The following SH3BP5L variants were observed in gnomAD, a reference collection of about 807,000 sequenced individuals.
SH3BP5L encodes the protein SH3 domain-binding protein 5-like.
Under a neutral mutation model 40.9 loss-of-function variants are expected in SH3BP5L, and 16 were observed. The observed-to-expected ratio is 0.39, with a 90% CI of 0.27 to 0.59. The LOEUF (loss-of-function observed/expected upper bound fraction) is 0.59. Among genes scored for constraint, SH3BP5L ranks in the 20% least tolerant of loss-of-function variants. The pLI is 0.53. For missense variants in SH3BP5L, 471 were observed against 544.6 expected, an observed-to-expected ratio of 0.86 and a Z score of 1.35; for synonymous variants, 229 against 226.7, an observed-to-expected ratio of 1.01 and a Z score of -0.09.
In SH3BP5L at chr1:248,824,831, C is replaced by T. The variant is rs145512568; in HGVS notation, c.105G>A (p.Glu35=). The stretch of plus-strand genomic sequence containing the variant: ...TGCTGCTGCTTCCACCTCCTCCAGG[C>T]TCTTCTGCGACTGGGCTCCTAGGGA... ...DEVPRSPVAE[E]PGGGGSSSSE... is the part of the protein sequence containing the mutation. Residue 35 remains glutamate (E), a synonymous_variant, in exon 2 of 7, where the codon GAG becomes GAA. Coordinates refer to ENST00000366472, the MANE Select transcript of SH3BP5L (RefSeq NM_030645.3). 2.1e-4 allele frequency: 338 copies of T among 1,614,088 alleles called. No homozygotes were observed. Among genetic ancestry groups the T allele is most frequent in the Non-Finnish European group, 2.7e-4 (321 of 1,180,034 alleles).
At chr1:248,824,660 G>C in intron 2 of SH3BP5L, 93 bp downstream of exon 2, 2 of 1,451,600 alleles carry the variant, frequency 1.4e-6, no homozygotes, top group Non-Finnish European at 1.9e-6. Context: ...AGCAGACTGG[G>C]GACAGAGTAA....
At chr1:248,818,541 C>T (rs1215937317) in intron 2 of SH3BP5L, among the ~76,000 whole-genome samples, 1 of 152,168 alleles carries the variant, frequency 6.6e-6, no homozygotes, top group African/African-American at 2.4e-5. Context: ...GTGACCATGA[C>T]CGCAGGTCCC....
intron 2 of SH3BP5L, among the ~76,000 whole-genome samples, chr1:248,823,646 C>T (rs1241633363): frequency 6.6e-6 from 1 of 151,656 alleles, no homozygotes; most frequent in Non-Finnish European, 1.5e-5. Flanking sequence ...GAAGAGGAAC[C>T]CACACACACA....
At chr1:248,819,431 G>C (rs895186593) in intron 2 of SH3BP5L, among the ~76,000 whole-genome samples, 1 of 151,498 alleles carries the variant, frequency 6.6e-6, no homozygotes, top group Non-Finnish European at 1.5e-5. Context: ...GGCAGGCGCA[G>C]TGGCTCACAC....
chr1:248,824,274 T>C (rs555904272), intron 2 of SH3BP5L, among the ~76,000 whole-genome samples: 2 of 152,286 alleles, frequency 1.3e-5, no homozygotes, highest in African/African-American at 4.8e-5. Context: ...ATCAGAGCAA[T>C]GTGGGCCGCA....
chr1:248,816,099 A>C (rs759131358), intron 4 of SH3BP5L: 1 of 167,336 alleles, frequency 6.0e-6, no homozygotes, highest in Non-Finnish European at 1.3e-5. Context: ...TTATTTGTTA[A>C]AAGTAATTTG....
intron 5 of SH3BP5L, chr1:248,813,842 C>T (rs1425255833): frequency 5.6e-5 from 9 of 161,028 alleles, no homozygotes; most frequent in Non-Finnish European, 6.8e-5. Flanking sequence ...AACCCCTCCC[C>T]CCGTGCTGTG....
chr1:248,814,937 A>T lies in SH3BP5L; in HGVS notation c.376-327T>A, dbSNP rs1664063037. ...GTGTAAGGTGGTTAGCAACATAGAC[A>T]GAGTCTTACAGAAAAGATGACCTTG... On this transcript the variant is annotated intron_variant, in intron 4 of 6. Coordinates refer to ENST00000366472, the MANE Select transcript of SH3BP5L (RefSeq NM_030645.3). The T allele has an allele frequency of 1.0e-5, 4 of 401,710 alleles. No individual in the cohort carries two copies. In the Admixed American group the frequency reaches 1.4e-4, roughly 14 times the overall value. The allele number at this position is 401,710 out of a possible 1,614,324, so 24.9% of individuals were successfully genotyped here. A position where few individuals can be genotyped will look rare whatever the true frequency, so the allele number is the denominator to read the frequency against.
chr1:248,819,625 T>A (rs1279340416), intron 2 of SH3BP5L, among the ~76,000 whole-genome samples: 2 of 140,902 alleles, frequency 1.4e-5, no homozygotes, highest in Non-Finnish European at 3.0e-5. Flanking sequence ...ATCACCTGAA[T>A]CTGGGAGGCG....
chr1:248,823,483 A>G (rs1316000506), intron 2 of SH3BP5L, among the ~76,000 whole-genome samples: 1 of 152,244 alleles, frequency 6.6e-6, no homozygotes, highest in African/African-American at 2.4e-5. Context: ...TTTTTTCACT[A>G]CAACTGATTT....
intron 5 of SH3BP5L, 143 bp from the exon 6 acceptor site, chr1:248,813,305 G>A (rs1664007240): frequency 2.5e-6 from 2 of 798,668 alleles, no homozygotes. Flanking sequence ...CAGAGCCCGA[G>A]ACACGCAGGG....
At position 248,813,048 on chromosome 1, in the gene SH3BP5L, C is replaced by A. The variant is rs549306552; in HGVS notation, c.652G>T (p.Ala218Ser). The A allele has an allele frequency of 6.2e-7, 1 of 1,610,952 alleles. No individual in the cohort carries two copies. Among genetic ancestry groups the A allele is most frequent in the South Asian group, 1.1e-5 (1 of 90,834 alleles). ...VQALQKTLRR[A>S]IGKSRPYFEL... Reference sequence around the variant, plus strand: ...AAGTAGGGGCGGCTCTTGCCGATGGCCCTCCGGAGGGTCTTCTGCAGGGCT... The same window carrying A: ...AAGTAGGGGCGGCTCTTGCCGATGGACCTCCGGAGGGTCTTCTGCAGGGCT... Residue 218 changes from alanine (A) to serine (S), a missense_variant, in exon 6 of 7, where the codon GCC becomes TCC. Ala to Ser is a moderately conservative substitution (Grantham distance 99). Transcript: ENST00000366472.
Position 248,812,425 on chromosome 1 carries a change from C to T in SH3BP5L, c.712-55G>A. ...CCATGGGGCACGTCTCCACCTTCCT[C>T]AGCACTCTGCACTGAGGTCTGAGGG... On this transcript the variant is annotated intron_variant, in intron 6 of 6. Transcript: ENST00000366472. This position sits in a 1 kb window ranked among gnomAD's most constrained non-coding sequence, Gnocchi z 6.1. The T allele has an allele frequency of 7.2e-7, 1 of 1,398,122 alleles. No homozygotes were observed. Among genetic ancestry groups the T allele is most frequent in the Non-Finnish European group, 9.9e-7 (1 of 1,005,564 alleles). 86.6% of individuals were successfully genotyped at this position (1,398,122 alleles called of 1,614,324 possible).
intron 2 of SH3BP5L, among the ~76,000 whole-genome samples, chr1:248,819,098 C>G (rs1478975274): frequency 6.6e-6 from 1 of 152,312 alleles, no homozygotes; most frequent in African/African-American, 2.4e-5. Flanking sequence ...ATCCTCCCCC[C>G]ATCCCCTGCC....
In SH3BP5L at chr1:248,816,657, G is replaced by A; in HGVS notation, c.252C>T (p.Ala84=). 2 of 1,614,064 alleles carry A rather than the reference G, an allele frequency of 1.2e-6. No individual in the cohort carries two copies. Among genetic ancestry groups the A allele is most frequent in the Non-Finnish European group, 1.7e-6 (2 of 1,180,030 alleles). Reference sequence around the variant, plus strand: ...GTAGGATCCTCCGATAGGTGGTCCTGGCCTCCTGGAAAGGAACAAGGCAGA... The same window carrying A: ...GTAGGATCCTCCGATAGGTGGTCCTAGCCTCCTGGAAAGGAACAAGGCAGA... ...INQVELQLDE[A]RTTYRRILQE... The change falls in exon 4 of 7, where the codon GCC becomes GCT. Residue 84 remains alanine (A), a synonymous_variant. Coordinates refer to ENST00000366472, the MANE Select transcript of SH3BP5L (RefSeq NM_030645.3).
rs968336423 is a variant in SH3BP5L at position 248,814,864 on chromosome 1, G to T, written c.376-254C>A. The T allele has an allele frequency of 2.8e-5, 17 of 615,242 alleles. No homozygotes were observed. In the African/African-American group the frequency reaches 2.9e-4, roughly 11 times the overall value. The allele number at this position is 615,242 out of a possible 1,614,324, so 38.1% of individuals were successfully genotyped here. ...GTGAAATCCAGCACTCCCAAAGGCT[G>T]CTAGCCTTTTCCCCTAGGGAAAACA... On this transcript the variant is annotated intron_variant, in intron 4 of 6. Coordinates refer to ENST00000366472, the MANE Select transcript of SH3BP5L (RefSeq NM_030645.3).
In SH3BP5L at chr1:248,816,895, G is replaced by T; in HGVS notation, c.184-11C>A. On this transcript the variant is annotated splice_polypyrimidine_tract_variant and intron_variant, in intron 2 of 6. Coordinates refer to ENST00000366472, the MANE Select transcript of SH3BP5L (RefSeq NM_030645.3). ...GTGCTCCAACTCCTCCTGCCACAGA[G>T]AGGGGTGGCAAATTAGTGCAGTGGA... 6.2e-7 allele frequency: 1 copy of T among 1,614,160 alleles called. No individual in the cohort carries two copies. Among genetic ancestry groups the T allele is most frequent in the Non-Finnish European group, 8.5e-7 (1 of 1,179,988 alleles).
At chr1:248,816,058 T>G in intron 4 of SH3BP5L, 1 of 158,140 alleles carries the variant, frequency 6.3e-6, no homozygotes, top group Admixed American at 6.0e-5. Context: ...TCCTTCTTGT[T>G]TTATTATGTT....
intron 2 of SH3BP5L, among the ~76,000 whole-genome samples, chr1:248,817,299 G>A (rs1359435941): frequency 1.3e-5 from 2 of 152,212 alleles, no homozygotes; most frequent in Non-Finnish European, 2.9e-5. Context: ...GGCCAGGGCA[G>A]GGCCACTCAG....
Sources: gnomAD v4.1 joint callset for allele counts (sites outside exome capture counted in the v4.1 genomes callset) on GRCh38, gnomAD v4.1.1 for gene constraint, Gnocchi (gnomAD v3.1) non-coding constraint, MANE v1.5 for transcripts, NCBI Gene and HGNC (gene_info 2026-07-23, HGNC 2026-07-21) for gene names.